Variants in DAB1 observed in about 807,000 individuals in gnomAD.
DAB1 encodes DAB adaptor protein 1.
DAB1 carries 15 observed loss-of-function variants against 64.6 expected under a neutral mutation model. That is an observed-to-expected ratio of 0.23 (90% confidence interval 0.16 to 0.36). DAB1 has a LOEUF of 0.36. DAB1 is among the 10% of genes least tolerant of loss of function. The pLI is 1.00. For missense variants in DAB1, 596 were observed against 706.7 expected (o/e 0.84, Z 1.78); for synonymous variants, 235 against 251.9 (o/e 0.93, Z 0.64).
chr1:57,705,155 C>G (rs2101736497), intron 6 of DAB1, among the ~76,000 whole-genome samples: 1 of 152,266 alleles, frequency 6.6e-6, no homozygotes, highest in South Asian at 2.1e-4. Flanking sequence ...TGAATAAATG[C>G]ATAGGCTAAG....
At chr1:58,217,338 C>T (rs1658910486) in intron 4 of DAB1, among the ~76,000 whole-genome samples, 1 of 152,114 alleles carries the variant, frequency 6.6e-6, no homozygotes, top group Non-Finnish European at 1.5e-5. Context: ...GACCAGAACC[C>T]CGAAAGTAGA....
chr1:57,993,721 C>G (rs114501440), intron 5 of DAB1, among the ~76,000 whole-genome samples: 1 of 151,994 alleles, frequency 6.6e-6, no homozygotes, highest in Non-Finnish European at 1.5e-5. Flanking sequence ...GAAATAGATG[C>G]AAATGTCACG....
At chr1:58,319,265 T>C (rs771017574) in intron 4 of DAB1, among the ~76,000 whole-genome samples, 9 of 152,150 alleles carry the variant, frequency 5.9e-5, no homozygotes, top group Non-Finnish European at 1.2e-4. Context: ...ATAAAATCCA[T>C]AGGTTATATC....
intron 3 of DAB1, among the ~76,000 whole-genome samples, chr1:58,355,833 G>A (rs1278604676): frequency 6.6e-6 from 1 of 152,138 alleles, no homozygotes; most frequent in African/African-American, 2.4e-5. Context: ...CTAATCGCAG[G>A]AACATGCAAA....
At chr1:57,380,691 G>T (rs1280859490) in intron 1 of DAB1, among the ~76,000 whole-genome samples, 7 of 152,184 alleles carry the variant, frequency 4.6e-5, no homozygotes, top group African/African-American at 1.7e-4. Context: ...GAGACATAAA[G>T]CACACTAATA....
chr1:57,091,578 T>A (rs1653683021), intron 4 of DAB1, among the ~76,000 whole-genome samples: 1 of 152,194 alleles, frequency 6.6e-6, no homozygotes, highest in South Asian at 2.1e-4. Flanking sequence ...ATTCAGAAGT[T>A]CATGCTTTTT....
At chr1:57,477,617 G>A (rs899694613) in intron 7 of DAB1, among the ~76,000 whole-genome samples, 36 of 152,108 alleles carry the variant, frequency 2.4e-4, no homozygotes, top group African/African-American at 8.7e-4. Flanking sequence ...GAAAGTCAGG[G>A]CTCTTATCAT....
rs1398963130 is a variant in DAB1, at chr1:57,430,281, T to G, written n.626-139115A>C. Among the ~76,000 whole-genome samples the G allele has an allele frequency of 2.0e-5, 3 of 152,202 alleles. No individual in the cohort carries two copies. The East Asian group carries it at 5.8e-4, about 29-fold the overall frequency. ...AATGAAGTTTTTCAAACACAAATTA[T>G]TACACAGCCCACAATTCATTAAATA... On this transcript the variant is annotated intron_variant and non_coding_transcript_variant, in intron 7 of 20. Coordinates refer to the DAB1 transcript ENST00000485760.
chr1:58,034,515 C>T (rs1244494456), intron 5 of DAB1, among the ~76,000 whole-genome samples: 2 of 152,108 alleles, frequency 1.3e-5, no homozygotes, highest in Non-Finnish European at 2.9e-5. Flanking sequence ...ACTTGCTGTG[C>T]AATAATAGAT....
chr1:57,166,003 G>A (rs771736369), intron 2 of DAB1, among the ~76,000 whole-genome samples: 2 of 152,164 alleles, frequency 1.3e-5, no homozygotes, highest in Non-Finnish European at 2.9e-5. Context: ...GGAGGACTAA[G>A]GGATGCTAAG....
At chr1:57,832,671 G>A (rs1340889323) in intron 1 of DAB1, among the ~76,000 whole-genome samples, 1 of 152,202 alleles carries the variant, frequency 6.6e-6, no homozygotes, top group African/African-American at 2.4e-5. Flanking sequence ...ATGCAGATGT[G>A]CAGTCAATGG....
chr1:58,025,570 C>A (rs1000597718), intron 5 of DAB1, among the ~76,000 whole-genome samples: 20 of 135,630 alleles, frequency 1.5e-4, no homozygotes, highest in Non-Finnish European at 2.8e-4. Context: ...AGAGAGAGAG[C>A]CTTTCATATA....
chr1:57,290,059 T>A (rs1672645561), intron 2 of DAB1, among the ~76,000 whole-genome samples: 1 of 152,232 alleles, frequency 6.6e-6, no homozygotes, highest in Non-Finnish European at 1.5e-5. Context: ...TGCTGAGACT[T>A]AAAATGTGAA....
chr1:57,946,507 T>C (rs1204338027), intron 5 of DAB1, among the ~76,000 whole-genome samples: 1 of 152,086 alleles, frequency 6.6e-6, no homozygotes, highest in Non-Finnish European at 1.5e-5. Flanking sequence ...TGTTAGGGAG[T>C]TGACATAGGG....
At chr1:57,430,884 C>T (rs944416769) in intron 7 of DAB1, among the ~76,000 whole-genome samples, 1 of 137,892 alleles carries the variant, frequency 7.3e-6, no homozygotes, top group Non-Finnish European at 1.5e-5. Flanking sequence ...ATACCAGGCA[C>T]AATGTTAGGC....
At chr1:57,395,842 CTGA>C (rs1163262014) in intron 1 of DAB1, among the ~76,000 whole-genome samples, 14 of 151,754 alleles carry the variant, frequency 9.2e-5, no homozygotes, top group African/African-American at 3.4e-4. Flanking sequence ...TAGAGGCTAT[CTGA>C]CTCAATTTTA....
At chr1:57,300,797 C>T (rs2100697404) in intron 1 of DAB1, among the ~76,000 whole-genome samples, 1 of 152,282 alleles carries the variant, frequency 6.6e-6, no homozygotes, top group Admixed American at 6.5e-5. Context: ...AAAGTTTATT[C>T]ATTTAATATG....
intron 5 of DAB1, among the ~76,000 whole-genome samples, chr1:57,945,413 C>T (rs1330996459): frequency 1.4e-5 from 2 of 148,028 alleles, no homozygotes; most frequent in Non-Finnish European, 3.0e-5. Flanking sequence ...GCATATACCA[C>T]CACACTTGCT....
In DAB1 at chr1:57,320,086, T is replaced by G. The variant is rs145024362; in HGVS notation, c.-136-28920A>C. Among the ~76,000 whole-genome samples the G allele has an allele frequency of 3.7e-3, 563 of 152,312 alleles. 3 individuals are homozygous for G. Among genetic ancestry groups the G allele is most frequent in the African/African-American group, 0.013 (536 of 41,574 alleles). The stretch of plus-strand genomic sequence containing the variant: ...ATAACAAATGGCTTTATTCCTTAAG[T>G]ACTGTGATAGGGTTTGGCTCTGTAT... On this transcript the variant is annotated intron_variant, in intron 1 of 14. Coordinates refer to ENST00000371236, the MANE Select transcript of DAB1 (RefSeq NM_001365792.1).
Sources: allele counts gnomAD v4.1 joint callset (sites outside exome capture counted in the v4.1 genomes callset), GRCh38; gene constraint gnomAD v4.1.1; transcripts MANE v1.5; gene names NCBI Gene and HGNC (gene_info 2026-07-23, HGNC 2026-07-21).